Variants in IHH observed in about 807,000 individuals in gnomAD.
IHH encodes the protein Indian hedgehog signaling molecule.
A neutral mutation model predicts 29.4 loss-of-function variants in IHH; 9 were observed. That is an observed-to-expected ratio of 0.31 (90% CI 0.18 to 0.53). The LOEUF is 0.53. Among genes scored for constraint, IHH ranks in the 20% least tolerant of loss-of-function variants. The pLI, the probability that IHH is intolerant of heterozygous loss-of-function variation, is 0.95. For missense variants in IHH, 454 were observed against 578.1 expected (o/e 0.79, Z 2.20); for synonymous variants, 254 against 252.7 (o/e 1.01, Z -0.05).
Position 219,059,243 on chromosome 2 carries a change from A to G in IHH, c.315+910T>C, listed in dbSNP as rs890218838. Among the ~76,000 whole-genome samples, 9 of 152,166 alleles carry G rather than the reference A, an allele frequency of 5.9e-5. No homozygotes were observed. Among genetic ancestry groups the G allele is most frequent in the African/African-American group, 2.2e-4 (9 of 41,440 alleles). ...TAGCTGCTCTTCCCAACGGATCTAGAAAGCCAGGGGCCTGCTTTCAGGGGG... is the reference window on the plus strand; with the variant it reads ...TAGCTGCTCTTCCCAACGGATCTAGGAAGCCAGGGGCCTGCTTTCAGGGGG... On this transcript the variant is annotated intron_variant, in intron 1 of 2. Coordinates refer to ENST00000295731, the MANE Select transcript of IHH (RefSeq NM_002181.4). This position sits in a 1 kb window ranked among gnomAD's most constrained non-coding sequence, Gnocchi z 4.7.
rs1948866332 is a variant in IHH, at chr2:219,060,012, C to A, written c.315+141G>T. 2 of 737,424 alleles carry A rather than the reference C, an allele frequency of 2.7e-6. No individual in the cohort carries two copies. 45.7% of individuals were successfully genotyped at this position (737,424 alleles called of 1,614,324 possible). On this transcript the variant is annotated intron_variant, in intron 1 of 2. Transcript: ENST00000295731. The surrounding 1 kb of genome is among the most constrained non-coding windows in gnomAD (Gnocchi z 8.8). ...GGACCCCTGGCCAGCCCATCTTGGG[C>A]AGGAGGCAGCGGGGCTTGGCGAGAG...
At position 219,059,436 on chromosome 2, in the gene IHH, C is replaced by A. The variant is rs1047116439; in HGVS notation, c.315+717G>T. 6.6e-6 allele frequency among the ~76,000 whole-genome samples: 1 copy of A among 152,196 alleles called. No individual in the cohort carries two copies. The highest frequency in any genetic ancestry group is 2.4e-5 in the African/African-American group (1 of 41,444). On this transcript the variant is annotated intron_variant, in intron 1 of 2. Transcript: ENST00000295731. The surrounding 1 kb of genome is among the most constrained non-coding windows in gnomAD (Gnocchi z 4.7). The stretch of plus-strand genomic sequence containing the variant: ...TGCCTCCCTCGGCATCTCAGCCCCT[C>A]TTTTCCACTCCTTCCCGTCCCCACC...
rs1948823954 is a variant in IHH at position 219,055,657 on chromosome 2, A to T, written c.786T>A (p.Thr262=). 6.2e-7 allele frequency: 1 copy of T among 1,613,874 alleles called. No homozygotes were observed. The highest frequency in any genetic ancestry group is 8.5e-7 in the Non-Finnish European group (1 of 1,179,952). The change falls in exon 3 of 3, where the codon ACT becomes ACA. Residue 262 remains threonine, a synonymous_variant. Transcript: ENST00000295731. ...GTGCCAGGCGGCGTGGGGGGTCCTG[A>T]GTCTCGATGACCTGGAAGGCTCTCA... is the stretch of plus-strand genomic sequence containing the variant. The part of the protein sequence containing the change: ...HRLRAFQVIE[T]QDPPRRLALT...
intron 2 of IHH, among the ~76,000 whole-genome samples, chr2:219,056,759 C>T (rs1433542402): frequency 6.6e-6 from 1 of 152,122 alleles, no homozygotes; most frequent in Non-Finnish European, 1.5e-5. Flanking sequence ...TTTGGAGCCT[C>T]CATGGCTGGG....
chr2:219,060,324 G>A lies in IHH; in HGVS notation c.144C>T (p.Ala48=), dbSNP rs1948869646. Residue 48 remains alanine, a synonymous_variant, in exon 1 of 3, where the codon GCC becomes GCT. Coordinates refer to ENST00000295731, the MANE Select transcript of IHH (RefSeq NM_002181.4). The surrounding 1 kb of genome is among the most constrained non-coding windows in gnomAD (Gnocchi z 8.8). The part of the protein sequence containing the change: ...RRPPRKLVPL[A]YKQFSPNVPE... ...GCACATTGGGGCTGAACTGCTTGTAGGCGAGCGGCACGAGTTTGCGTGGCG... is the reference window on the plus strand; with the variant it reads ...GCACATTGGGGCTGAACTGCTTGTAAGCGAGCGGCACGAGTTTGCGTGGCG... 1 of 1,611,624 alleles carries A rather than the reference G, an allele frequency of 6.2e-7. No homozygotes were observed. Among genetic ancestry groups the A allele is most frequent in the Admixed American group, 1.7e-5 (1 of 59,998 alleles).
rs1574685373 is a variant in IHH, at chr2:219,054,788, T to A, written c.*419A>T. The A allele has an allele frequency of 4.5e-6, 1 of 220,660 alleles. No individual in the cohort carries two copies. Among genetic ancestry groups the A allele is most frequent in the Non-Finnish European group, 9.1e-6 (1 of 109,502 alleles). The allele number at this position is 220,660 out of a possible 1,614,324, so 13.7% of individuals were successfully genotyped here. ...CTTCCCAGTTCTGGACAGCATCGGG[T>A]CCAGCCAGATCCATGCTGGCTCCCA... On this transcript the variant is annotated 3_prime_UTR_variant, in exon 3 of 3. Coordinates refer to ENST00000295731, the MANE Select transcript of IHH (RefSeq NM_002181.4).
In IHH at chr2:219,057,672, G is replaced by A. The variant is rs1948843046; in HGVS notation, c.338C>T (p.Ser113Leu). ...MTQRCKDRLNSLAISVMNQWP... is the reference protein window; with the variant it reads ...MTQRCKDRLNLLAISVMNQWP... ...CTGGTTCATCACCGAGATAGCCAGCGAGTTCAGGCGGTCCTTGCAGCGCTG... is the reference window on the plus strand; with the variant it reads ...CTGGTTCATCACCGAGATAGCCAGCAAGTTCAGGCGGTCCTTGCAGCGCTG... The change falls in exon 2 of 3, where the codon TCG (serine) becomes TTG (leucine). Residue 113 changes from serine to leucine, a missense_variant. Physicochemically the swap from Ser to Leu is moderately radical, Grantham distance 145 (BLOSUM62 -2). This residue lies in a region of IHH where 70 missense variants were observed against 140.1 expected (regional missense o/e 0.50). Coordinates refer to ENST00000295731, the MANE Select transcript of IHH (RefSeq NM_002181.4). 1.2e-6 allele frequency: 2 copies of A among 1,609,110 alleles called. No homozygotes were observed. The highest frequency in any genetic ancestry group is 1.7e-6 in the Non-Finnish European group (2 of 1,179,992).
Position 219,055,338 on chromosome 2 carries a change from T to C in IHH, c.1105A>G (p.Ser369Gly), listed in dbSNP as rs1168400033. The change falls in exon 3 of 3, where the codon AGC becomes GGC. Residue 369 changes from serine (S) to glycine (G), a missense_variant. Physicochemically the swap from Ser to Gly is moderately conservative, Grantham distance 56 (BLOSUM62 0). Transcript: ENST00000295731. ...GGAGTCCAGCTGCCCCATGCCAAGC[T>C]GTGAAAGAGTCTCAGGGGCCAGAAG... ...LAFWPLRLFH[S>G]LAWGSWTPGE... The C allele has an allele frequency of 6.2e-7, 1 of 1,613,228 alleles. No homozygotes were observed. Among genetic ancestry groups the C allele is most frequent in the Non-Finnish European group, 8.5e-7 (1 of 1,180,012 alleles).
rs747612055 is a variant in IHH at position 219,055,393 on chromosome 2, G to A, written c.1050C>T (p.Ala350=). The change falls in exon 3 of 3, where the codon GCC becomes GCT. Residue 350 remains alanine, a synonymous_variant. Transcript: ENST00000295731. ...VEDVVASCFA[A]VADHHLAQLA... ...ACTGAGCCAGGTGGTGGTCAGCCACGGCCGCGAAGCAGGATGCCACCACAT... is the reference window on the plus strand; with the variant it reads ...ACTGAGCCAGGTGGTGGTCAGCCACAGCCGCGAAGCAGGATGCCACCACAT... The A allele has an allele frequency of 1.2e-5, 20 of 1,613,152 alleles. 1 individual carries two copies. The highest frequency in any genetic ancestry group is 8.3e-5 in the Admixed American group (5 of 60,014).
At position 219,060,513 on chromosome 2, in the gene IHH, T is replaced by C. The variant is rs1457804700; in HGVS notation, c.-46A>G. ...CGGCGGGCGAGGTCTCCTGGTGGGC[T>C]GATGGGCAGGCGCGTCGACGGGAGC... On this transcript the variant is annotated 5_prime_UTR_variant, in exon 1 of 3. Coordinates refer to ENST00000295731, the MANE Select transcript of IHH (RefSeq NM_002181.4). The surrounding 1 kb of genome is among the most constrained non-coding windows in gnomAD (Gnocchi z 8.8). 6.7e-6 allele frequency: 9 copies of C among 1,336,080 alleles called. No homozygotes were observed. The highest frequency in any genetic ancestry group is 8.7e-6 in the Non-Finnish European group (9 of 1,034,906). 82.8% of individuals were successfully genotyped at this position (1,336,080 alleles called of 1,614,324 possible).
rs781629669 is a variant in IHH, at chr2:219,060,334, A to C, written c.134T>G (p.Val45Gly). Residue 45 changes from valine (V) to glycine (G), a missense_variant, in exon 1 of 3, where the codon GTG becomes GGG. By Grantham distance (109) the Val-to-Gly change is moderately radical. Around this residue, in one of 3 missense-constraint regions of IHH, gnomAD observed 113 missense variants for 122.1 expected, o/e 0.93. Coordinates refer to ENST00000295731, the MANE Select transcript of IHH (RefSeq NM_002181.4). The surrounding 1 kb of genome is among the most constrained non-coding windows in gnomAD (Gnocchi z 8.8). ...GSRRRPPRKL[V>G]PLAYKQFSPN... ...GCTGAACTGCTTGTAGGCGAGCGGCACGAGTTTGCGTGGCGGTCGCCGGCG... is the reference window on the plus strand; with the variant it reads ...GCTGAACTGCTTGTAGGCGAGCGGCCCGAGTTTGCGTGGCGGTCGCCGGCG... The C allele has an allele frequency of 1.9e-6, 3 of 1,610,648 alleles. No homozygotes were observed. In the Admixed American group the frequency reaches 5.0e-5, roughly 27 times the overall value.
At chr2:219,058,766 C>G (rs764513090) in intron 1 of IHH, 1 of 154,992 alleles carries the variant, frequency 6.5e-6, no homozygotes, top group Non-Finnish European at 1.5e-5. Flanking sequence ...CTCTGAGATT[C>G]GAGGCGCCAA....
At chr2:219,057,981 CCTCT>C (rs1290111218) in intron 1 of IHH, among the ~76,000 whole-genome samples, 1 of 152,190 alleles carries the variant, frequency 6.6e-6, no homozygotes, top group East Asian at 1.9e-4. Context: ...GTGGAGGTCC[CCTCT>C]CTCCTGTGCT....
At chr2:219,056,665 G>A (rs1286172000) in intron 2 of IHH, among the ~76,000 whole-genome samples, 2 of 152,164 alleles carry the variant, frequency 1.3e-5, no homozygotes, top group African/African-American at 2.4e-5. Flanking sequence ...GCGGGTCTAT[G>A]AGAGTGCAAC....
rs1339789040 is a variant in IHH at position 219,055,159 on chromosome 2, C to T, written c.*48G>A. On this transcript the variant is annotated 3_prime_UTR_variant, in exon 3 of 3. Coordinates refer to ENST00000295731, the MANE Select transcript of IHH (RefSeq NM_002181.4). ...GGCCAGCTCCCTCCTGGCTGAGAGG[C>T]TTCTGGACCCAGTACAGCAGTTCCA... The T allele has an allele frequency of 1.3e-6, 2 of 1,546,012 alleles. No homozygotes were observed. Among genetic ancestry groups the T allele is most frequent in the Non-Finnish European group, 1.7e-6 (2 of 1,143,206 alleles).
At chr2:219,058,448 C>A (rs1948850171) in intron 1 of IHH, among the ~76,000 whole-genome samples, 1 of 152,166 alleles carries the variant, frequency 6.6e-6, no homozygotes, top group Non-Finnish European at 1.5e-5. Flanking sequence ...CTCTGCAAGG[C>A]GCAAAAGGGG....
Position 219,060,499 on chromosome 2 carries a change from G to T in IHH, c.-32C>A, listed in dbSNP as rs1169593056. The stretch of plus-strand genomic sequence containing the variant: ...GGAGCCCGGGGGAGCGGCGGGCGAG[G>T]TCTCCTGGTGGGCTGATGGGCAGGC... On this transcript the variant is annotated 5_prime_UTR_variant, in exon 1 of 3. Transcript: ENST00000295731. The surrounding 1 kb of genome is among the most constrained non-coding windows in gnomAD (Gnocchi z 8.8). 3.5e-6 allele frequency: 5 copies of T among 1,415,928 alleles called. No homozygotes were observed. The highest frequency in any genetic ancestry group is 4.6e-6 in the Non-Finnish European group (5 of 1,087,162). 87.7% of individuals were successfully genotyped at this position (1,415,928 alleles called of 1,614,324 possible).
At chr2:219,057,317 C>T (rs949834311) in intron 2 of IHH, 116 bp downstream of exon 2, 1 of 1,232,860 alleles carries the variant, frequency 8.1e-7, no homozygotes, top group Non-Finnish European at 1.1e-6. Flanking sequence ...CTGATGTCCT[C>T]TTCCCCCGGA....
rs866706196 is a variant in IHH at position 219,055,856 on chromosome 2, G to A, written c.587C>T (p.Ala196Val). 5 of 1,607,364 alleles carry A rather than the reference G, an allele frequency of 3.1e-6. No homozygotes were observed. Among genetic ancestry groups the A allele is most frequent in the Middle Eastern group, 1.6e-4 (1 of 6,076 alleles). The change falls in exon 3 of 3, where the codon GCC becomes GTC. Residue 196 changes from alanine to valine, a missense_variant. Ala to Val is a moderately conservative substitution (Grantham distance 64). This residue lies in a region of IHH where 271 missense variants were observed against 315.9 expected (regional missense o/e 0.86). Coordinates refer to ENST00000295731, the MANE Select transcript of IHH (RefSeq NM_002181.4). ...VHCSVKSEHS[A>V]AAKTGGCFPA... ...GAAGCAGCCGCCCGTCTTGGCTGCGGCCGAGTGCTCTGTGGGAGAAAGGGA... is the reference window on the plus strand; with the variant it reads ...GAAGCAGCCGCCCGTCTTGGCTGCGACCGAGTGCTCTGTGGGAGAAAGGGA...
Sources: allele counts gnomAD v4.1 joint callset (sites outside exome capture counted in the v4.1 genomes callset), GRCh38; gene constraint gnomAD v4.1.1; regional missense constraint gnomAD v4.1.1; non-coding constraint Gnocchi (gnomAD v3.1); transcripts MANE v1.5; gene names NCBI Gene and HGNC (gene_info 2026-07-23, HGNC 2026-07-21).